FNIP1: variants seen among roughly 807,000 people sequenced by gnomAD.
The protein encoded by FNIP1 is folliculin interacting protein 1.
Under a neutral mutation model 124.5 loss-of-function variants are expected in FNIP1, and 40 were observed. That is an observed-to-expected ratio of 0.32 (90% confidence interval 0.25 to 0.42). The LOEUF (loss-of-function observed/expected upper bound fraction) is 0.42. Ranked by LOEUF, FNIP1 falls within the 10% of genes least tolerant of loss-of-function variation. The probability of loss-of-function intolerance (pLI) is 1.00; values close to 1 mark genes in which losing one functional copy is unlikely to be tolerated. For synonymous variants in FNIP1, 472 were observed against 470.6 expected, an observed-to-expected ratio of 1.00 and a Z score of -0.04; for missense variants, 1,176 against 1,403.7, an observed-to-expected ratio of 0.84 and a Z score of 2.59.
chr5:131,718,027 C>CAA (rs34050795), intron 5 of FNIP1, among the ~76,000 whole-genome samples: 15 of 142,650 alleles, frequency 1.1e-4, no homozygotes, highest in African/African-American at 2.9e-4. Flanking sequence ...ACTAAAAATA[C>CAA]AAAAAAAAAA....
chr5:131,777,965 G>T (rs1002822296), intron 1 of FNIP1, among the ~76,000 whole-genome samples: 1 of 152,192 alleles, frequency 6.6e-6, no homozygotes, highest in Non-Finnish European at 1.5e-5. Flanking sequence ...TGAGGTGAAT[G>T]GTTGATAGGC....
At chr5:131,747,303 G>T (rs951301321) in intron 1 of FNIP1, among the ~76,000 whole-genome samples, 1 of 152,070 alleles carries the variant, frequency 6.6e-6, no homozygotes, top group Non-Finnish European at 1.5e-5. Context: ...ATGTGTAACC[G>T]GCAACATAAA....
In FNIP1 at chr5:131,796,858, C is replaced by T. The variant is rs1392478685; in HGVS notation, c.64G>A (p.Asp22Asn). 1 of 1,604,830 alleles carries T rather than the reference C, an allele frequency of 6.2e-7. No homozygotes were observed. The highest frequency in any genetic ancestry group is 8.5e-7 in the Non-Finnish European group (1 of 1,176,400). The stretch of plus-strand genomic sequence containing the variant: ...AACCCGCAATCTGGGTCCCGGGCGT[C>T]GCGGCCGGGCGCGCCCAGCCCGGTC... ...KRTGLGAPGRDARDPDCGFSW... is the reference protein window; with the variant it reads ...KRTGLGAPGRNARDPDCGFSW... The change falls in exon 1 of 18, where the codon GAC (aspartate) becomes AAC (asparagine). Residue 22 changes from aspartate to asparagine, a missense_variant. Physicochemically the swap from Asp to Asn is conservative, Grantham distance 23 (BLOSUM62 1). Transcript: ENST00000510461.
chr5:131,768,185 T>C (rs1406648476), intron 1 of FNIP1, among the ~76,000 whole-genome samples: 5 of 152,200 alleles, frequency 3.3e-5, no homozygotes, highest in African/African-American at 9.6e-5. Flanking sequence ...GCACAAAAAA[T>C]TCATTAACAT....
chr5:131,679,290 T>C, intron 11 of FNIP1, 115 bp from the exon 12 acceptor site: 2 of 667,646 alleles, frequency 3.0e-6, no homozygotes, highest in South Asian at 3.7e-5. Flanking sequence ...TTAAAGCTTT[T>C]GAGGAAAGAC....
At chr5:131,670,676 A>G (rs1421129600) in intron 14 of FNIP1, 45 bp from the exon 15 acceptor site, 2 of 1,371,626 alleles carry the variant, frequency 1.5e-6, no homozygotes, top group Non-Finnish European at 2.0e-6. Flanking sequence ...AGTAATAAAT[A>G]TATTTAACCA....
chr5:131,742,009 G>C (rs1770527915), intron 2 of FNIP1, among the ~76,000 whole-genome samples: 1 of 152,148 alleles, frequency 6.6e-6, no homozygotes. Flanking sequence ...AGGACAGATG[G>C]ACGCTGCTTC....
chr5:131,713,872 A>G (rs1179204573), intron 6 of FNIP1, among the ~76,000 whole-genome samples: 1 of 152,232 alleles, frequency 6.6e-6, no homozygotes, highest in African/African-American at 2.4e-5. Flanking sequence ...ATTTGGAGTA[A>G]CATGATCAGC....
At chr5:131,659,524 G>A (rs1277809225) in intron 15 of FNIP1, among the ~76,000 whole-genome samples, 3 of 152,216 alleles carry the variant, frequency 2.0e-5, no homozygotes, top group African/African-American at 7.2e-5. Flanking sequence ...TGGTAAAGCT[G>A]TAGCTGTGCT....
At chr5:131,673,008 CT>C in intron 13 of FNIP1, 84 bp from the exon 14 acceptor site, 2 of 966,038 alleles carry the variant, frequency 2.1e-6, no homozygotes, top group Non-Finnish European at 3.0e-6. Flanking sequence ...AAACCTACTT[CT>C]TTTACTGTAT....
At chr5:131,721,562 G>A (rs555550970) in intron 3 of FNIP1, among the ~76,000 whole-genome samples, 5 of 152,230 alleles carry the variant, frequency 3.3e-5, no homozygotes, top group African/African-American at 1.2e-4. Flanking sequence ...ATTTTGGGAG[G>A]CTTAGGCGAG....
At position 131,785,709 on chromosome 5, in the gene FNIP1, A is replaced by G. The variant is rs1278587382; in HGVS notation, c.92+11121T>C. ...AAATGTTCAGGCATTTCGTTAAAAA[A>G]AATTTAAAATATTAGCCGGGTGCAG... On this transcript the variant is annotated intron_variant, in intron 1 of 17. Transcript: ENST00000510461. Among the ~76,000 whole-genome samples the G allele has an allele frequency of 2.0e-5, 3 of 152,198 alleles. No individual in the cohort carries two copies. The East Asian group carries it at 5.8e-4, about 29-fold the overall frequency.
rs1767993624 is a variant in FNIP1, at chr5:131,679,020, A to C, written c.1349+9T>G. 1 of 1,588,544 alleles carries C rather than the reference A, an allele frequency of 6.3e-7. No individual in the cohort carries two copies. The highest frequency in any genetic ancestry group is 8.6e-7 in the Non-Finnish European group (1 of 1,164,266). ...TCTAGATATCTAGTTATAATAAATA[A>C]ATTCATACTGATTTTTGGAAGCATT... On this transcript the variant is annotated intron_variant, in intron 12 of 17. Transcript: ENST00000510461.
intron 12 of FNIP1, 83 bp from the exon 13 acceptor site, chr5:131,677,955 G>A: frequency 1.4e-6 from 2 of 1,414,680 alleles, no homozygotes; most frequent in South Asian, 1.4e-5. Flanking sequence ...TAAGCAAGGG[G>A]AGTATATATG....
At chr5:131,787,578 T>A (rs1772258771) in intron 1 of FNIP1, among the ~76,000 whole-genome samples, 1 of 152,230 alleles carries the variant, frequency 6.6e-6, no homozygotes, top group Admixed American at 6.5e-5. Context: ...AATCTTAATT[T>A]CATCACTTAA....
chr5:131,704,258 T>C lies in FNIP1; in HGVS notation c.923A>G (p.Glu308Gly). The change falls in exon 10 of 18, where the codon GAA becomes GGA. Residue 308 changes from glutamate to glycine, a missense_variant. Glu to Gly is a moderately conservative substitution (Grantham distance 98). Transcript: ENST00000510461. ...TTCATCTGAGAGATTAAAGCTTTCTTCTATAGACCTTAAAAATAAATGATT... is the reference window on the plus strand; with the variant it reads ...TTCATCTGAGAGATTAAAGCTTTCTCCTATAGACCTTAAAAATAAATGATT... ...ENGVFPRWSI[E>G]ESFNLSDESC... 1 of 1,579,272 alleles carries C rather than the reference T, an allele frequency of 6.3e-7. No individual in the cohort carries two copies. Among genetic ancestry groups the C allele is most frequent in the Non-Finnish European group, 8.6e-7 (1 of 1,167,344 alleles).
chr5:131,781,160 C>G (rs1185972601), intron 1 of FNIP1, among the ~76,000 whole-genome samples: 1 of 152,238 alleles, frequency 6.6e-6, no homozygotes, highest in Non-Finnish European at 1.5e-5. Flanking sequence ...GGCCCTAACT[C>G]TCTCAACTCT....
At chr5:131,755,071 T>G (rs1162456112) in intron 1 of FNIP1, among the ~76,000 whole-genome samples, 2 of 151,996 alleles carry the variant, frequency 1.3e-5, no homozygotes, top group Non-Finnish European at 2.9e-5. Flanking sequence ...GTTGCCAGAT[T>G]GAGTTCAAGG....
At chr5:131,668,837 A>G (rs145842627) in intron 15 of FNIP1, among the ~76,000 whole-genome samples, 5 of 152,324 alleles carry the variant, frequency 3.3e-5, no homozygotes, top group African/African-American at 1.2e-4. Context: ...TTCTAATAAA[A>G]CTTCATCTAT....
Sources: gnomAD v4.1 joint callset for allele counts (sites outside exome capture counted in the v4.1 genomes callset) on GRCh38, gnomAD v4.1.1 for gene constraint, MANE v1.5 for transcripts, NCBI Gene and HGNC (gene_info 2026-07-23, HGNC 2026-07-21) for gene names.